The following BRIP1 variants were observed in gnomAD, a reference collection of about 807,000 sequenced individuals.
The protein encoded by BRIP1 is Fanconi anemia group J protein.
Under a neutral mutation model 119.7 loss-of-function variants are expected in BRIP1, and 88 were observed. The ratio of observed to expected loss-of-function variants is 0.74; its 90% CI spans 0.62 to 0.88. The LOEUF (loss-of-function observed/expected upper bound fraction) is 0.88. Among genes scored for constraint, BRIP1 ranks in the 40% least tolerant of loss-of-function variants. The pLI is 0.00. For synonymous variants in BRIP1, 443 were observed against 496.5 expected (o/e 0.89, Z 1.43); for missense variants, 1,259 against 1,455.4 (o/e 0.87, Z 2.20).
In BRIP1 at chr17:61,715,948, T is replaced by TA. The variant is rs587780240; in HGVS notation, c.2492+2dup. The TA allele has an allele frequency of 2.2e-5, 35 of 1,561,012 alleles. No individual in the cohort carries two copies. Among genetic ancestry groups the TA allele is most frequent in the Non-Finnish European group, 3.0e-5 (34 of 1,133,714 alleles). ...ATATTATATTAAATTTCACTCCACT[T>TA]ACCTACCAAGGGCCTGGTTTAAGGC... On this transcript the variant is annotated splice_region_variant and intron_variant, in intron 17 of 19. Coordinates refer to ENST00000259008, the MANE Select transcript of BRIP1 (RefSeq NM_032043.3).
chr17:61,772,379 A>G (rs1036959645), intron 14 of BRIP1, among the ~76,000 whole-genome samples: 1 of 151,868 alleles, frequency 6.6e-6, no homozygotes, highest in Non-Finnish European at 1.5e-5. Flanking sequence ...CAGAAAGAAT[A>G]CTAGAGGGTA....
chr17:61,822,833 G>A lies in BRIP1; in HGVS notation c.628-14076C>T, dbSNP rs777386590. 2.6e-5 allele frequency among the ~76,000 whole-genome samples: 4 copies of A among 152,118 alleles called. No homozygotes were observed. Among genetic ancestry groups the A allele is most frequent in the Admixed American group, 2.0e-4 (3 of 15,266 alleles). On this transcript the variant is annotated intron_variant, in intron 6 of 19. Coordinates refer to ENST00000259008, the MANE Select transcript of BRIP1 (RefSeq NM_032043.3). This position sits in a 1 kb window ranked among gnomAD's most constrained non-coding sequence, Gnocchi z 4.4. ...CAAGTTTTCAGTTTAAAGGTGGGAC[G>A]GTTCCAAATGACAACGAAGTCCCAT...
In BRIP1 at chr17:61,693,303, G is replaced by A. The variant is rs2061474728; in HGVS notation, c.2575+127C>T. On this transcript the variant is annotated intron_variant, in intron 18 of 19. Transcript: ENST00000259008. This position sits in a 1 kb window ranked among gnomAD's most constrained non-coding sequence, Gnocchi z 4.2. ...CTAGATATCTGCTGTGAAATACTGT[G>A]CTTATAGTTAACAATATTGTACTGT... The A allele has an allele frequency of 1.2e-6, 1 of 860,512 alleles. No homozygotes were observed. Among genetic ancestry groups the A allele is most frequent in the Non-Finnish European group, 1.9e-6 (1 of 523,380 alleles). The allele number at this position is 860,512 out of a possible 1,614,324, so 53.3% of individuals were successfully genotyped here. A position where few individuals can be genotyped will look rare whatever the true frequency, so the allele number is the denominator to read the frequency against.
rs2048717 is a variant in BRIP1, at chr17:61,857,252, A to G, written c.206-21T>C. The G allele has an allele frequency of 1.0e-3, 1,620 of 1,579,060 alleles. 16 individuals are homozygous for G. In the African/African-American group the frequency reaches 0.019, roughly 18 times the overall value. ...TTTCCCTAAAAATGAAAGAACATCT[A>G]TTTATAATATATCTAATTAAATAAA... On this transcript the variant is annotated intron_variant, in intron 3 of 19. Coordinates refer to ENST00000259008, the MANE Select transcript of BRIP1 (RefSeq NM_032043.3). The surrounding 1 kb of genome is among the most constrained non-coding windows in gnomAD (Gnocchi z 5.1).
chr17:61,747,099 G>T (rs1339664797), intron 14 of BRIP1, among the ~76,000 whole-genome samples: 1 of 151,754 alleles, frequency 6.6e-6, no homozygotes, highest in Non-Finnish European at 1.5e-5. Flanking sequence ...GGTCAAAAAA[G>T]AAATCAAAAG....
rs864622510 is a variant in BRIP1, at chr17:61,808,755, G to A, written c.630C>T (p.Pro210=). Residue 210 remains proline, a splice_region_variant and synonymous_variant, in exon 7 of 20, where the codon CCC becomes CCT. Transcript: ENST00000259008. This position sits in a 1 kb window ranked among gnomAD's most constrained non-coding sequence, Gnocchi z 4.1. The part of the protein sequence containing the change: ...EKINSFSPQK[P]PGHCSRCCCS... ...AACAGCACCTAGAACAGTGGCCAGG[G>A]GGCTGTAAGAAAGGAAAGAAACGAT... 3 of 1,612,160 alleles carry A rather than the reference G, an allele frequency of 1.9e-6. No homozygotes were observed. Among genetic ancestry groups the A allele is most frequent in the Non-Finnish European group, 2.5e-6 (3 of 1,179,782 alleles).
At position 61,795,113 on chromosome 17, in the gene BRIP1, C is replaced by T. The variant is rs540814829; in HGVS notation, c.1341-1384G>A. ...GGCTTGGGTTTTAATTTTTAATTTT[C>T]GTGGGTACATAGTAGGTGTATATAT... On this transcript the variant is annotated intron_variant, in intron 9 of 19. Transcript: ENST00000259008. The surrounding 1 kb of genome is among the most constrained non-coding windows in gnomAD (Gnocchi z 5.6). Among the ~76,000 whole-genome samples, 114 of 151,972 alleles carry T rather than the reference C, an allele frequency of 7.5e-4. No homozygotes were observed. The highest frequency in any genetic ancestry group is 2.1e-3 in the African/African-American group (86 of 41,518).
chr17:61,827,607 T>TA lies in BRIP1; in HGVS notation c.628-18851dup, dbSNP rs1446158894. Among the ~76,000 whole-genome samples the TA allele has an allele frequency of 6.6e-6, 1 of 152,078 alleles. No individual in the cohort carries two copies. Among genetic ancestry groups the TA allele is most frequent in the Non-Finnish European group, 1.5e-5 (1 of 68,016 alleles). ...AGCCAGGCGTGGGGGCACACACCTG[T>TA]AATCCCAGCTATTCGGGAGGCTGAG... On this transcript the variant is annotated intron_variant, in intron 6 of 19. Coordinates refer to ENST00000259008, the MANE Select transcript of BRIP1 (RefSeq NM_032043.3). This position sits in a 1 kb window ranked among gnomAD's most constrained non-coding sequence, Gnocchi z 5.8.
rs910995016 is a variant in BRIP1, at chr17:61,695,005, A to C, written c.2493-1493T>G. ...ATTTCTTGATACTGTCCTTTGAAGA[A>C]TAAAAATTTGAACTGTAACAAAGTC... On this transcript the variant is annotated intron_variant, in intron 17 of 19. Transcript: ENST00000259008. The surrounding 1 kb of genome is among the most constrained non-coding windows in gnomAD (Gnocchi z 4.3). 1.3e-5 allele frequency among the ~76,000 whole-genome samples: 2 copies of C among 151,752 alleles called. No individual in the cohort carries two copies. The highest frequency in any genetic ancestry group is 4.8e-5 in the African/African-American group (2 of 41,320).
At position 61,842,851 on chromosome 17, in the gene BRIP1, C is replaced by A. The variant is rs906311379; in HGVS notation, c.627+4250G>T. Reference sequence around the variant, plus strand: ...CCGTGAGATAGGTACTATTACTAACCCCATTTAACAAATAGCTAAACATAA... The same window carrying A: ...CCGTGAGATAGGTACTATTACTAACACCATTTAACAAATAGCTAAACATAA... On this transcript the variant is annotated intron_variant, in intron 6 of 19. Transcript: ENST00000259008. The surrounding 1 kb of genome is among the most constrained non-coding windows in gnomAD (Gnocchi z 5.1). 6.6e-6 allele frequency among the ~76,000 whole-genome samples: 1 copy of A among 152,054 alleles called. No individual in the cohort carries two copies. Among genetic ancestry groups the A allele is most frequent in the Admixed American group, 6.5e-5 (1 of 15,268 alleles).
Position 61,827,793 on chromosome 17 carries a change from G to A in BRIP1, c.628-19036C>T, listed in dbSNP as rs1490913691. Among the ~76,000 whole-genome samples, 4 of 152,128 alleles carry A rather than the reference G, an allele frequency of 2.6e-5. No homozygotes were observed. The highest frequency in any genetic ancestry group is 2.9e-5 in the Non-Finnish European group (2 of 68,018). On this transcript the variant is annotated intron_variant, in intron 6 of 19. Coordinates refer to ENST00000259008, the MANE Select transcript of BRIP1 (RefSeq NM_032043.3). This position sits in a 1 kb window ranked among gnomAD's most constrained non-coding sequence, Gnocchi z 5.8. The stretch of plus-strand genomic sequence containing the variant: ...AAAATACACAAATGGCTAATAAGCA[G>A]AAGAAAAGATGCTCAACATCACTAA...
chr17:61,844,743 G>A lies in BRIP1; in HGVS notation c.627+2358C>T, dbSNP rs1405759545. 1.3e-5 allele frequency among the ~76,000 whole-genome samples: 2 copies of A among 152,230 alleles called. No homozygotes were observed. The highest frequency in any genetic ancestry group is 3.8e-4 in the East Asian group (2 of 5,200). On this transcript the variant is annotated intron_variant, in intron 6 of 19. Coordinates refer to ENST00000259008, the MANE Select transcript of BRIP1 (RefSeq NM_032043.3). This position sits in a 1 kb window ranked among gnomAD's most constrained non-coding sequence, Gnocchi z 4.7. ...TAGGTGGCTCCAGGACTGCAAAGAG[G>A]CATTTTAGAGAGAATATAAAATAAA...
At chr17:61,812,748 TTTC>T (rs1359456162) in intron 6 of BRIP1, among the ~76,000 whole-genome samples, 1 of 152,158 alleles carries the variant, frequency 6.6e-6, no homozygotes, top group African/African-American at 2.4e-5. Flanking sequence ...TCAGAAAATT[TTTC>T]TTGTGTTTAA....
At chr17:61,784,150 A>G (rs1161639929) in intron 11 of BRIP1, 120 bp downstream of exon 11, 2 of 855,736 alleles carry the variant, frequency 2.3e-6, no homozygotes, top group Non-Finnish European at 3.7e-6. Context: ...AATAATATCT[A>G]TAACACTTGT....
Position 61,794,925 on chromosome 17 carries a change from T to A in BRIP1, c.1341-1196A>T, listed in dbSNP as rs1402713807. 6.6e-6 allele frequency among the ~76,000 whole-genome samples: 1 copy of A among 151,788 alleles called. No homozygotes were observed. Among genetic ancestry groups the A allele is most frequent in the Admixed American group, 6.6e-5 (1 of 15,188 alleles). ...AGCTAGGAGAAAGGTCCTGAGGTGG[T>A]TAGCAAATTTTGCTTGTTTGAGGAT... On this transcript the variant is annotated intron_variant, in intron 9 of 19. Transcript: ENST00000259008. The surrounding 1 kb of genome is among the most constrained non-coding windows in gnomAD (Gnocchi z 4.3).
At position 61,756,959 on chromosome 17, in the gene BRIP1, T is replaced by C. The variant is rs2077208360; in HGVS notation, c.2098-12368A>G. Among the ~76,000 whole-genome samples, 1 of 152,222 alleles carries C rather than the reference T, an allele frequency of 6.6e-6. No homozygotes were observed. Among genetic ancestry groups the C allele is most frequent in the Admixed American group, 6.5e-5 (1 of 15,286 alleles). ...TGCCTAAACAGACTACCATCTTTTG[T>C]AATCTTACTCACATAATTTATTTCA... On this transcript the variant is annotated intron_variant, in intron 14 of 19. Transcript: ENST00000259008. The surrounding 1 kb of genome is among the most constrained non-coding windows in gnomAD (Gnocchi z 4.3).
rs2078097960 is a variant in BRIP1 at position 61,807,915 on chromosome 17, G to C, written c.918+552C>G. ...AAATTCATATTATTCTAATTTCCCT[G>C]GAAAATTTCAAAACCACCAATGACA... On this transcript the variant is annotated intron_variant, in intron 7 of 19. Coordinates refer to ENST00000259008, the MANE Select transcript of BRIP1 (RefSeq NM_032043.3). This position sits in a 1 kb window ranked among gnomAD's most constrained non-coding sequence, Gnocchi z 4.5. Among the ~76,000 whole-genome samples, 1 of 151,778 alleles carries C rather than the reference G, an allele frequency of 6.6e-6. No homozygotes were observed. Among genetic ancestry groups the C allele is most frequent in the Non-Finnish European group, 1.5e-5 (1 of 67,932 alleles).
intron 6 of BRIP1, among the ~76,000 whole-genome samples, chr17:61,820,176 T>C (rs2078299277): frequency 6.6e-6 from 1 of 152,132 alleles, no homozygotes; most frequent in Admixed American, 6.5e-5. Context: ...ATCAAAATAA[T>C]TTACAGTTGA....
intron 10 of BRIP1, among the ~76,000 whole-genome samples, chr17:61,790,479 G>A (rs1287406299): frequency 6.6e-6 from 1 of 152,092 alleles, no homozygotes; most frequent in Non-Finnish European, 1.5e-5. Flanking sequence ...CCAGGAGGCA[G>A]AGGTTGCGGT....
Sources: gnomAD v4.1 joint callset for allele counts (sites outside exome capture counted in the v4.1 genomes callset) on GRCh38, gnomAD v4.1.1 for gene constraint, Gnocchi (gnomAD v3.1) non-coding constraint, MANE v1.5 for transcripts, NCBI Gene and HGNC (gene_info 2026-07-23, HGNC 2026-07-21) for gene names.